PRKCG: variants seen among roughly 807,000 people sequenced by gnomAD.
PRKCG encodes protein kinase C gamma type.
Under a neutral mutation model 82.0 loss-of-function variants are expected in PRKCG, and 28 were observed. The ratio of observed to expected loss-of-function variants is 0.34; its 90% CI spans 0.25 to 0.47. The LOEUF (loss-of-function observed/expected upper bound fraction) is 0.47. Ranked by LOEUF, PRKCG falls within the 20% of genes least tolerant of loss-of-function variation. The pLI is 1.00. For synonymous variants in PRKCG, 383 were observed against 376.6 expected, an observed-to-expected ratio of 1.02 and a Z score of -0.20; for missense variants, 640 against 952.7, an observed-to-expected ratio of 0.67 and a Z score of 4.32.
chr19:53,895,155 T>C (rs973596729), intron 9 of PRKCG, among the ~76,000 whole-genome samples: 7 of 152,104 alleles, frequency 4.6e-5, no homozygotes, highest in African/African-American at 1.7e-4. Context: ...AACAAAAAAG[T>C]TCCTTTCCTT....
intron 3 of PRKCG, among the ~76,000 whole-genome samples, chr19:53,887,938 G>T (rs775361603): frequency 2.0e-5 from 3 of 152,180 alleles, no homozygotes; most frequent in Non-Finnish European, 4.4e-5. Flanking sequence ...TAAATCTGAG[G>T]CTTTGAAAAG....
chr19:53,907,316 C>A lies in PRKCG; in HGVS notation c.*421C>A, dbSNP rs1047324744. The A allele has an allele frequency of 3.0e-5, 8 of 267,876 alleles. No homozygotes were observed. The highest frequency in any genetic ancestry group is 1.4e-3 in the Middle Eastern group (1 of 720). The allele number at this position is 267,876 out of a possible 1,614,324, so 16.6% of individuals were successfully genotyped here. On this transcript the variant is annotated 3_prime_UTR_variant, in exon 18 of 18. Coordinates refer to ENST00000263431, the MANE Select transcript of PRKCG (RefSeq NM_002739.5). ...AGGTTCCAGAACAGCCCTCGGCCTC[C>A]GAGGCTCCCCGCCTCCACTCTAGTT...
At chr19:53,893,778 ATTT>A (rs971392287) in intron 9 of PRKCG, among the ~76,000 whole-genome samples, 5 of 151,646 alleles carry the variant, frequency 3.3e-5, no homozygotes, top group African/African-American at 1.2e-4. Flanking sequence ...TTTTATTTTT[ATTT>A]TTATTTCTGT....
chr19:53,902,890 C>CAAAAAAAAAAAAAA (rs56955659), intron 14 of PRKCG, among the ~76,000 whole-genome samples, 183 bp from the exon 15 acceptor site: 13 of 19,974 alleles, frequency 6.5e-4, no homozygotes, highest in African/African-American at 1.5e-3. Context: ...GAGACCCTGT[C>CAAAAAAAAAAAAAA]AAAAAAAAAA....
intron 3 of PRKCG, among the ~76,000 whole-genome samples, chr19:53,885,866 C>T (rs768234013): frequency 6.6e-6 from 1 of 151,882 alleles, no homozygotes; most frequent in Non-Finnish European, 1.5e-5. Flanking sequence ...ACCTCCGCCA[C>T]CAACACCAGA....
At chr19:53,906,081 CCTCCTT>C (rs1314476195) in intron 16 of PRKCG, among the ~76,000 whole-genome samples, 219 of 35,412 alleles carry the variant, frequency 6.2e-3, no homozygotes, top group East Asian at 0.012. Flanking sequence ...TCCTCCTCCT[CCTCCTT>C]CTTCTTCTTC....
rs188312023 is a variant in PRKCG, at chr19:53,895,782, G to A, written c.940-2177G>A. ...AAGTTTGAGAATGGGCTCTGCGGCC[G>A]GGCGCAGTGGCTCACGCCTGTCATC... On this transcript the variant is annotated intron_variant, in intron 9 of 17. Coordinates refer to ENST00000263431, the MANE Select transcript of PRKCG (RefSeq NM_002739.5). Among the ~76,000 whole-genome samples, 1,422 of 152,270 alleles carry A rather than the reference G, an allele frequency of 9.3e-3. 9 individuals are homozygous for A. The highest frequency in any genetic ancestry group is 0.029 in the South Asian group (142 of 4,824).
rs369728091 is a variant in PRKCG at position 53,891,670 on chromosome 19, T to A, written c.530-4T>A. The A allele has an allele frequency of 1.3e-5, 21 of 1,613,604 alleles. No homozygotes were observed. Among genetic ancestry groups the A allele is most frequent in the Non-Finnish European group, 1.8e-5 (21 of 1,179,800 alleles). ...CGTCACACTCTTCCTCACTCCCCGT[T>A]TAGTTGGCGAGGCCCGTAACCTAAT... On this transcript the variant is annotated splice_polypyrimidine_tract_variant and splice_region_variant and intron_variant, in intron 5 of 17. Coordinates refer to ENST00000263431, the MANE Select transcript of PRKCG (RefSeq NM_002739.5).
Position 53,892,462 on chromosome 19 carries a change from G to T in PRKCG, c.687-47G>T. 2.5e-6 allele frequency: 4 copies of T among 1,593,738 alleles called. No individual in the cohort carries two copies. The highest frequency in any genetic ancestry group is 2.3e-5 in the East Asian group (1 of 44,178). ...AGCACCAAGGATGGGGAACCGAGGG[G>T]AGCCATGAGCTCGGCTCTGCACCCC... On this transcript the variant is annotated intron_variant, in intron 6 of 17. Coordinates refer to ENST00000263431, the MANE Select transcript of PRKCG (RefSeq NM_002739.5). This position sits in a 1 kb window ranked among gnomAD's most constrained non-coding sequence, Gnocchi z 5.9.
chr19:53,898,179 G>T (rs2068731550), intron 10 of PRKCG, 68 bp downstream of exon 10: 4 of 1,578,838 alleles, frequency 2.5e-6, no homozygotes, highest in Non-Finnish European at 3.5e-6. Context: ...TGGTTCTTAG[G>T]GAGGAAGTGG....
Position 53,883,282 on chromosome 19 carries a change from C to A in PRKCG, c.202+88C>A. ...TGAGGCTGCTTGACACACGTGTTCTCTGGTCCCCAGAGAGGCGCGGGGGAG... is the reference window on the plus strand; with the variant it reads ...TGAGGCTGCTTGACACACGTGTTCTATGGTCCCCAGAGAGGCGCGGGGGAG... On this transcript the variant is annotated intron_variant, in intron 2 of 17. Transcript: ENST00000263431. The surrounding 1 kb of genome is among the most constrained non-coding windows in gnomAD (Gnocchi z 5.4). 6.6e-7 allele frequency: 1 copy of A among 1,520,588 alleles called. No individual in the cohort carries two copies. The highest frequency in any genetic ancestry group is 9.1e-7 in the Non-Finnish European group (1 of 1,099,114). The allele number at this position is 1,520,588 out of a possible 1,614,324, so 94.2% of individuals were successfully genotyped here. A position where few individuals can be genotyped will look rare whatever the true frequency, so the allele number is the denominator to read the frequency against.
At chr19:53,895,229 G>A (rs886753225) in intron 9 of PRKCG, among the ~76,000 whole-genome samples, 8 of 151,972 alleles carry the variant, frequency 5.3e-5, no homozygotes, top group African/African-American at 1.4e-4. Context: ...GACTGGGCAC[G>A]ATGCCTCATG....
chr19:53,906,280 CTGTT>C (rs1029915598), intron 16 of PRKCG, 33 bp from the exon 17 acceptor site: 56 of 1,550,598 alleles, frequency 3.6e-5, no homozygotes, highest in Non-Finnish European at 4.0e-5. Flanking sequence ...GGCACTCTGT[CTGTT>C]TGTCTGTCTG....
In PRKCG at chr19:53,884,257, C is replaced by T; in HGVS notation, c.285+14C>T. 6.2e-7 allele frequency: 1 copy of T among 1,612,974 alleles called. No homozygotes were observed. Among genetic ancestry groups the T allele is most frequent in the Non-Finnish European group, 8.5e-7 (1 of 1,179,440 alleles). ...CCCCAGACGGACGTGAGTGCTCGGACACCTGGTTCTCCTCCTCGGGCCGTG... is the reference window on the plus strand; with the variant it reads ...CCCCAGACGGACGTGAGTGCTCGGATACCTGGTTCTCCTCCTCGGGCCGTG... On this transcript the variant is annotated intron_variant, in intron 3 of 17. Transcript: ENST00000263431. This position sits in a 1 kb window ranked among gnomAD's most constrained non-coding sequence, Gnocchi z 4.6.
chr19:53,881,801 G>GC (rs1231794591), upstream of PRKCG: 3 of 154,174 alleles, frequency 1.9e-5, no homozygotes, highest in African/African-American at 7.2e-5. Context: ...TAATGGAGAG[G>GC]CCAGGGGAGG....
rs146569898 is a variant in PRKCG at position 53,901,338 on chromosome 19, G to A, written c.1575+589G>A. ...GCAGGTGGATCACTTGAGGTCAGGA[G>A]TTTGAGACCAGCCTGGCCAACATGG... On this transcript the variant is annotated intron_variant, in intron 14 of 17. Transcript: ENST00000263431. 7.9e-3 allele frequency among the ~76,000 whole-genome samples: 1,194 copies of A among 152,058 alleles called. 14 individuals carry two copies. The highest frequency in any genetic ancestry group is 0.027 in the African/African-American group (1,139 of 41,452).
Position 53,890,137 on chromosome 19 carries a change from T to C in PRKCG, c.529+120T>C, listed in dbSNP as rs1344070269. 1.4e-5 allele frequency: 16 copies of C among 1,135,072 alleles called. No homozygotes were observed. In the South Asian group the frequency reaches 1.6e-4, roughly 11 times the overall value. 70.3% of individuals were successfully genotyped at this position (1,135,072 alleles called of 1,614,324 possible). On this transcript the variant is annotated intron_variant, in intron 5 of 17. Coordinates refer to ENST00000263431, the MANE Select transcript of PRKCG (RefSeq NM_002739.5). ...GATGGGGCCACGCCTCTTTCTATGG[T>C]CACGCCCACACTCCTGACCCCACCC...
chr19:53,892,880 ATC>A lies in PRKCG; in HGVS notation c.822-104_822-103del, dbSNP rs1021267387. On this transcript the variant is annotated intron_variant, in intron 7 of 17. Transcript: ENST00000263431. This position sits in a 1 kb window ranked among gnomAD's most constrained non-coding sequence, Gnocchi z 5.9. ...TTTTATCTCACTCTTTCTCTCTTCC[ATC>A]TCTGTGTCCGTCTCTCTGTGTCTCT... 58 of 1,147,564 alleles carry A rather than the reference ATC, an allele frequency of 5.1e-5. No individual in the cohort carries two copies. The highest frequency in any genetic ancestry group is 6.6e-5 in the Non-Finnish European group (52 of 786,372). The allele number at this position is 1,147,564 out of a possible 1,614,324, so 71.1% of individuals were successfully genotyped here. A position where few individuals can be genotyped will look rare whatever the true frequency, so the allele number is the denominator to read the frequency against.
intron 3 of PRKCG, among the ~76,000 whole-genome samples, chr19:53,888,268 C>T (rs2068646848): frequency 6.6e-6 from 1 of 152,142 alleles, no homozygotes; most frequent in Non-Finnish European, 1.5e-5. Flanking sequence ...AAACTAGAAA[C>T]CCCACTAACA....
Sources: allele counts gnomAD v4.1 joint callset (sites outside exome capture counted in the v4.1 genomes callset), GRCh38; gene constraint gnomAD v4.1.1; non-coding constraint Gnocchi (gnomAD v3.1); transcripts MANE v1.5; gene names NCBI Gene and HGNC (gene_info 2026-07-23, HGNC 2026-07-21).